The following SLC22A14 variants were observed in gnomAD, a reference collection of about 807,000 sequenced individuals.
SLC22A14 encodes the protein solute carrier family 22 member 14.
In SLC22A14, 50 loss-of-function variants were observed where a neutral mutation model predicts 53.9. That is an observed-to-expected ratio of 0.93 (90% CI 0.74 to 1.17). The LOEUF (loss-of-function observed/expected upper bound fraction) is 1.17. Among genes scored for constraint, SLC22A14 ranks in the 50% most tolerant of loss-of-function variants. The pLI is 0.00. For synonymous variants in SLC22A14, 312 were observed against 303.0 expected (o/e 1.03, Z -0.31); for missense variants, 671 against 734.7 (o/e 0.91, Z 1.00).
intron 8 of SLC22A14, among the ~76,000 whole-genome samples, chr3:38,315,070 C>T (rs985174285): frequency 3.3e-5 from 5 of 152,242 alleles, no homozygotes; most frequent in African/African-American, 1.2e-4. Context: ...GCCTGTCTAG[C>T]TGGCCGGAGA....
intron 10 of SLC22A14, 89 bp downstream of exon 10, chr3:38,316,613 C>A: frequency 8.5e-7 from 1 of 1,170,702 alleles, no homozygotes; most frequent in Non-Finnish European, 1.2e-6. Context: ...TGTCCATCCC[C>A]GCCCCTCTGC....
intron 1 of SLC22A14, among the ~76,000 whole-genome samples, chr3:38,301,529 C>T (rs1344730535): frequency 6.6e-6 from 1 of 152,152 alleles, no homozygotes; most frequent in Non-Finnish European, 1.5e-5. Flanking sequence ...TATGTATTCA[C>T]ATTATACGCA....
intron 1 of SLC22A14, chr3:38,305,194 C>T (rs1254740459): frequency 6.6e-6 from 1 of 151,444 alleles, no homozygotes; most frequent in Non-Finnish European, 1.5e-5. Flanking sequence ...ACAGTTTCAA[C>T]ATCTGCAGTC....
chr3:38,287,007 G>A (rs923776226), intron 1 of SLC22A14, among the ~76,000 whole-genome samples: 1 of 152,126 alleles, frequency 6.6e-6, no homozygotes, highest in Admixed American at 6.5e-5. Context: ...AAAGTACTGG[G>A]ATTACAGGTG....
chr3:38,283,601 G>A (rs543851819), intron 1 of SLC22A14, among the ~76,000 whole-genome samples: 1 of 152,254 alleles, frequency 6.6e-6, no homozygotes, highest in East Asian at 1.9e-4. Flanking sequence ...AGGCCGAGGC[G>A]GGAAGATCAC....
At chr3:38,289,112 C>G (rs1351307220) in intron 1 of SLC22A14, among the ~76,000 whole-genome samples, 1 of 136,330 alleles carries the variant, frequency 7.3e-6, no homozygotes, top group Non-Finnish European at 1.5e-5. Flanking sequence ...CCCGGGAGTT[C>G]AGCTGCAGTG....
At chr3:38,290,328 C>T (rs745501908) in intron 1 of SLC22A14, among the ~76,000 whole-genome samples, 2 of 152,186 alleles carry the variant, frequency 1.3e-5, no homozygotes, top group Non-Finnish European at 2.9e-5. Context: ...AACATTGGAG[C>T]GTGGGCTAGC....
intron 7 of SLC22A14, 46 bp from the exon 8 acceptor site, chr3:38,313,681 T>C (rs376660561): frequency 4.0e-6 from 3 of 751,266 alleles, no homozygotes; most frequent in Non-Finnish European, 6.1e-6. Flanking sequence ...TGGCTCCGTG[T>C]GTGTGCGCGC....
At chr3:38,295,806 CTCTCTCTCTCTCTCTCTT>C (rs934663360) in intron 1 of SLC22A14, among the ~76,000 whole-genome samples, 1 of 151,396 alleles carries the variant, frequency 6.6e-6, no homozygotes, top group Non-Finnish European at 1.5e-5. Context: ...CTGTCTGTCT[CTCTCTCTCTCTCTCTCTT>C]TCTCTCTCTC....
rs1438530948 is a variant in SLC22A14, at chr3:38,307,698, C to T, written c.753C>T (p.Tyr251=). The T allele has an allele frequency of 1.6e-5, 26 of 1,614,044 alleles. No individual in the cohort carries two copies. The highest frequency in any genetic ancestry group is 1.6e-4 in the Middle Eastern group (1 of 6,082). The part of the protein sequence containing the change: ...RFGISQSVVG[Y]AISSISLATE... ...GCATCTCGCAGTCAGTGGTGGGCTA[C>T]GCCATCAGCAGCATTTCTTTGGGTG... Residue 251 remains tyrosine (Y), a synonymous_variant, in exon 4 of 11, where the codon TAC becomes TAT. Coordinates refer to ENST00000448498, the MANE Select transcript of SLC22A14 (RefSeq NM_001320033.2). This position sits in a 1 kb window ranked among gnomAD's most constrained non-coding sequence, Gnocchi z 4.4.
At chr3:38,284,150 C>T (rs1300775155) in intron 1 of SLC22A14, among the ~76,000 whole-genome samples, 2 of 152,296 alleles carry the variant, frequency 1.3e-5, no homozygotes, top group East Asian at 1.9e-4. Context: ...GCATCCCCCT[C>T]GTGTGACTGG....
intron 9 of SLC22A14, among the ~76,000 whole-genome samples, 184 bp from the exon 10 acceptor site, chr3:38,316,140 C>T (rs920108881): frequency 2.0e-5 from 3 of 152,242 alleles, no homozygotes; most frequent in African/African-American, 7.2e-5. Flanking sequence ...TGCATGGTTT[C>T]TGCCTCTCCC....
At chr3:38,305,950 C>T (rs1227317195) in intron 1 of SLC22A14, 77 bp from the exon 2 acceptor site, 32 of 1,446,180 alleles carry the variant, frequency 2.2e-5, no homozygotes, top group South Asian at 1.2e-4. Flanking sequence ...AGTTCCTAGT[C>T]GGTGGCTCCC....
At chr3:38,296,706 G>A (rs1431289045) in intron 1 of SLC22A14, among the ~76,000 whole-genome samples, 1 of 152,186 alleles carries the variant, frequency 6.6e-6, no homozygotes, top group African/African-American at 2.4e-5. Flanking sequence ...CATGCAGTGA[G>A]TGTTAGAGCT....
intron 1 of SLC22A14, among the ~76,000 whole-genome samples, chr3:38,297,773 T>C (rs1559546742): frequency 6.6e-6 from 1 of 152,222 alleles, no homozygotes; most frequent in South Asian, 2.1e-4. Flanking sequence ...TTTGATTACT[T>C]GGTTAAAATG....
At chr3:38,289,151 C>T (rs1349814197) in intron 1 of SLC22A14, among the ~76,000 whole-genome samples, 1 of 130,060 alleles carries the variant, frequency 7.7e-6, no homozygotes, top group Non-Finnish European at 1.5e-5. Flanking sequence ...GCAATCCAAC[C>T]TGGGTGACAG....
intron 1 of SLC22A14, among the ~76,000 whole-genome samples, chr3:38,285,404 T>TGG (rs1258596567): frequency 1.3e-5 from 2 of 152,340 alleles, no homozygotes; most frequent in East Asian, 3.9e-4. Context: ...GTCCACCTCT[T>TGG]CCTTGACATC....
chr3:38,304,787 T>C (rs1704258700), intron 1 of SLC22A14, among the ~76,000 whole-genome samples: 1 of 152,202 alleles, frequency 6.6e-6, no homozygotes. Context: ...TCTTTTTTAT[T>C]TATCGTGCCT....
At chr3:38,315,205 C>T (rs563010010) in intron 8 of SLC22A14, among the ~76,000 whole-genome samples, 1 of 152,380 alleles carries the variant, frequency 6.6e-6, no homozygotes, top group East Asian at 1.9e-4. Context: ...ACCCACAGGA[C>T]ACAGGCCTGG....
Sources: gnomAD v4.1 joint callset for allele counts (sites outside exome capture counted in the v4.1 genomes callset) on GRCh38, gnomAD v4.1.1 for gene constraint, Gnocchi (gnomAD v3.1) non-coding constraint, MANE v1.5 for transcripts, NCBI Gene and HGNC (gene_info 2026-07-23, HGNC 2026-07-21) for gene names.